Variants in ZNF285 observed in about 807,000 individuals in gnomAD.
ZNF285 encodes zinc finger protein 285A.
A neutral mutation model predicts 6.2 loss-of-function variants in ZNF285; 4 were observed. The observed-to-expected ratio is 0.65, with a 90% CI of 0.32 to 1.49. The LOEUF (loss-of-function observed/expected upper bound fraction) is 1.49, where lower values mean the gene tolerates loss of function less well. Among genes scored for constraint, ZNF285 ranks in the 40% most tolerant of loss-of-function variants. ZNF285 has a pLI of 0.07. For missense variants in ZNF285, 695 were observed against 708.8 expected, an observed-to-expected ratio of 0.98 and a Z score of 0.22; for synonymous variants, 240 against 245.8, an observed-to-expected ratio of 0.98 and a Z score of 0.22.
At chr19:44,398,224 C>T (rs1457200546) in intron 1 of ZNF285, among the ~76,000 whole-genome samples, 4 of 152,084 alleles carry the variant, frequency 2.6e-5, no homozygotes, top group Non-Finnish European at 2.9e-5. Context: ...TACTGAACTA[C>T]ACATGTTCTC....
At chr19:44,389,621 T>C (rs1971159812) in intron 3 of ZNF285, among the ~76,000 whole-genome samples, 2 of 152,098 alleles carry the variant, frequency 1.3e-5, no homozygotes, top group South Asian at 4.1e-4. Flanking sequence ...TTAATCTATT[T>C]TTTTTCTTTC....
chr19:44,398,370 G>C (rs1971320214), intron 1 of ZNF285, among the ~76,000 whole-genome samples: 1 of 152,100 alleles, frequency 6.6e-6, no homozygotes, highest in Non-Finnish European at 1.5e-5. Context: ...TCAGCCAATG[G>C]GGAAAGCCAG....
intron 3 of ZNF285, among the ~76,000 whole-genome samples, chr19:44,391,089 G>A (rs1971187003): frequency 6.6e-6 from 1 of 151,606 alleles, no homozygotes. Flanking sequence ...GGGAGGTGGA[G>A]GTTGCAGTGA....
chr19:44,384,083 C>A lies in ZNF285; in HGVS notation c.*2389G>T, dbSNP rs1321275219. On this transcript the variant is annotated 3_prime_UTR_variant, in exon 4 of 4. Transcript: ENST00000614994. ...TGTGTATCCCGGATTTTTTCTCTAACTTAATGTTTGCAAGTAGGAGTACTG... is the reference window on the plus strand; with the variant it reads ...TGTGTATCCCGGATTTTTTCTCTAAATTAATGTTTGCAAGTAGGAGTACTG... 6.6e-6 allele frequency: 1 copy of A among 152,134 alleles called. No individual in the cohort carries two copies. The highest frequency in any genetic ancestry group is 1.5e-5 in the Non-Finnish European group (1 of 68,014). The allele number at this position is 152,134 out of a possible 1,614,324, so 9.4% of individuals were successfully genotyped here. A position where few individuals can be genotyped will look rare whatever the true frequency, so the allele number is the denominator to read the frequency against.
chr19:44,386,567 T>C lies in ZNF285; in HGVS notation c.1678A>G (p.Arg560Gly). ...SRNSYLLAHQ[R>G]VHIDETQYTH... The stretch of plus-strand genomic sequence containing the variant: ...TACTGTGTCTCATCTATATGCACTC[T>C]CTGATGGGCAAGGAGGTATGAATTA... The change falls in exon 4 of 4, where the codon AGA becomes GGA. Residue 560 changes from arginine to glycine, a missense_variant. Arg to Gly is a moderately radical substitution (Grantham distance 125). Transcript: ENST00000614994. The C allele has an allele frequency of 1.2e-6, 2 of 1,614,220 alleles. No individual in the cohort carries two copies. The highest frequency in any genetic ancestry group is 2.2e-5 in the East Asian group (1 of 44,886).
At chr19:44,396,022 A>G (rs1278062732) in intron 2 of ZNF285, among the ~76,000 whole-genome samples, 1 of 152,154 alleles carries the variant, frequency 6.6e-6, no homozygotes, top group African/African-American at 2.4e-5. Flanking sequence ...CTGTTGCTGT[A>G]ATTTAGAAGA....
In ZNF285 at chr19:44,392,285, T is replaced by C. The variant is rs115402297; in HGVS notation, c.142+55A>G. ...GGTCTAACTGGAATATTCTATCTGGTTTGAAATGATGATTTGAGGAAACAG... is the reference window on the plus strand; with the variant it reads ...GGTCTAACTGGAATATTCTATCTGGCTTGAAATGATGATTTGAGGAAACAG... On this transcript the variant is annotated intron_variant, in intron 3 of 3. Transcript: ENST00000614994. The C allele has an allele frequency of 8.9e-3, 14,283 of 1,611,124 alleles. 178 individuals carry two copies. The highest frequency in any genetic ancestry group is 0.047 in the African/African-American group (3,521 of 74,808).
At chr19:44,389,856 G>A (rs1343248502) in intron 3 of ZNF285, among the ~76,000 whole-genome samples, 1 of 152,158 alleles carries the variant, frequency 6.6e-6, no homozygotes, top group East Asian at 1.9e-4. Flanking sequence ...AAAAGGTCCT[G>A]TGTCTACAGT....
chr19:44,399,397 A>G (rs1217156412), intron 1 of ZNF285, among the ~76,000 whole-genome samples: 303 of 145,420 alleles, frequency 2.1e-3, no homozygotes, highest in African/African-American at 8.1e-3. Flanking sequence ...CCTAAAAAAA[A>G]AAAAAAATAA....
chr19:44,388,259 T>A (rs947930577), intron 3 of ZNF285, among the ~76,000 whole-genome samples, 157 bp from the exon 4 acceptor site: 1 of 151,550 alleles, frequency 6.6e-6, no homozygotes, highest in Non-Finnish European at 1.5e-5. Flanking sequence ...GAGCTGCCAA[T>A]TAGAAATCAA....
chr19:44,390,826 A>C (rs1971181093), intron 3 of ZNF285, among the ~76,000 whole-genome samples: 1 of 152,048 alleles, frequency 6.6e-6, no homozygotes, highest in Non-Finnish European at 1.5e-5. Flanking sequence ...TTCTCATGAT[A>C]GTGAATGAGT....
Position 44,386,665 on chromosome 19 carries a change from A to G in ZNF285, c.1580T>C (p.Leu527Pro). 6.2e-7 allele frequency: 1 copy of G among 1,614,166 alleles called. No individual in the cohort carries two copies. Among genetic ancestry groups the G allele is most frequent in the South Asian group, 1.1e-5 (1 of 91,090 alleles). The stretch of plus-strand genomic sequence containing the variant: ...TGTGTGGACTCTGAGGTGAACATTA[A>G]GATCTGAATTCCGGCTGAAGCCTTT... The part of the protein sequence containing the change: ...CGKGFSRNSD[L>P]NVHLRVHTGE... Residue 527 changes from leucine to proline, a missense_variant, in exon 4 of 4, where the codon CTT (leucine) becomes CCT (proline). Leu to Pro is a moderately conservative substitution (Grantham distance 98). Transcript: ENST00000614994.
At chr19:44,390,800 G>A (rs541314051) in intron 3 of ZNF285, among the ~76,000 whole-genome samples, 7 of 151,988 alleles carry the variant, frequency 4.6e-5, no homozygotes, top group South Asian at 2.1e-4. Flanking sequence ...TTATGGGGGC[G>A]GGTCTTTCCT....
intron 3 of ZNF285, among the ~76,000 whole-genome samples, chr19:44,389,312 G>C (rs571872459): frequency 1.4e-3 from 218 of 152,214 alleles, no homozygotes; most frequent in Non-Finnish European, 2.2e-3. Flanking sequence ...GAATATCATG[G>C]TCAAGTCCCA....
rs1198639467 is a variant in ZNF285 at position 44,383,395 on chromosome 19, C to G, written c.*3077G>C. On this transcript the variant is annotated 3_prime_UTR_variant, in exon 4 of 4. Coordinates refer to ENST00000614994, the MANE Select transcript of ZNF285 (RefSeq NM_152354.6). ...AGATCACAGCTTTTGCCCTTGAAAC[C>G]CTGGCACTATGGGACCAACCCTCGA... 2.0e-5 allele frequency: 3 copies of G among 152,142 alleles called. No homozygotes were observed. The highest frequency in any genetic ancestry group is 1.3e-4 in the Admixed American group (2 of 15,272). The allele number at this position is 152,142 out of a possible 1,614,324, so 9.4% of individuals were successfully genotyped here. A position where few individuals can be genotyped will look rare whatever the true frequency, so the allele number is the denominator to read the frequency against.
intron 2 of ZNF285, among the ~76,000 whole-genome samples, chr19:44,393,972 G>A (rs568818026): frequency 8.3e-4 from 126 of 152,174 alleles, no homozygotes; most frequent in African/African-American, 2.9e-3. Flanking sequence ...TATGTTTATT[G>A]CGGCACTATT....
intron 1 of ZNF285, 102 bp from the exon 2 acceptor site, chr19:44,397,358 A>C (rs372498177): frequency 2.2e-6 from 3 of 1,365,942 alleles, no homozygotes; most frequent in East Asian, 4.6e-5. Flanking sequence ...TTCTCCTCTC[A>C]CTGGATATCA....
In ZNF285 at chr19:44,397,215, C is replaced by G. The variant is rs1971295841; in HGVS notation, c.-2G>C. ...TTAACTTACCTGGAACTTAATCATACCGTCTTCCTTTTGGAAAGGGCAGGA... is the reference window on the plus strand; with the variant it reads ...TTAACTTACCTGGAACTTAATCATAGCGTCTTCCTTTTGGAAAGGGCAGGA... On this transcript the variant is annotated 5_prime_UTR_variant, in exon 2 of 4. Coordinates refer to ENST00000614994, the MANE Select transcript of ZNF285 (RefSeq NM_152354.6). 4 of 1,613,900 alleles carry G rather than the reference C, an allele frequency of 2.5e-6. No individual in the cohort carries two copies. Among genetic ancestry groups the G allele is most frequent in the Non-Finnish European group, 3.4e-6 (4 of 1,179,850 alleles).
intron 1 of ZNF285, among the ~76,000 whole-genome samples, chr19:44,398,994 T>A (rs1816467): frequency 0.4 from 60,760 of 151,656 alleles, 16,243 homozygotes; most frequent in East Asian, 0.75. Context: ...AAAGGAAATT[T>A]AGAAGGTATG....
Sources: allele counts gnomAD v4.1 joint callset (sites outside exome capture counted in the v4.1 genomes callset), GRCh38; gene constraint gnomAD v4.1.1; transcripts MANE v1.5; gene names NCBI Gene and HGNC (gene_info 2026-07-23, HGNC 2026-07-21).